The following NLGN1 variants were observed in gnomAD, a reference collection of about 807,000 sequenced individuals.
NLGN1 encodes neuroligin-1.
Under a neutral mutation model 65.5 loss-of-function variants are expected in NLGN1, and 12 were observed. The ratio of observed to expected loss-of-function variants is 0.18; its 90% CI spans 0.12 to 0.30. The LOEUF is 0.30. NLGN1 is among the 10% of genes least tolerant of loss of function. The pLI, the probability that NLGN1 is intolerant of heterozygous loss-of-function variation, is 1.00. For missense variants in NLGN1, 750 were observed against 1,007.1 expected (o/e 0.74, Z 3.46); for synonymous variants, 350 against 359.5 (o/e 0.97, Z 0.30).
At chr3:173,606,104 G>A (rs1431939660) in intron 3 of NLGN1, among the ~76,000 whole-genome samples, 1 of 151,892 alleles carries the variant, frequency 6.6e-6, no homozygotes, top group African/African-American at 2.4e-5. Flanking sequence ...TTATTATTAA[G>A]GTAATAGTGT....
chr3:173,837,623 C>T (rs528445991), intron 4 of NLGN1, among the ~76,000 whole-genome samples: 2 of 152,322 alleles, frequency 1.3e-5, no homozygotes, highest in East Asian at 3.9e-4. Flanking sequence ...GGGAACTGAG[C>T]ATTCCAATCC....
chr3:173,679,932 C>G lies in NLGN1; in HGVS notation c.493+74841C>G, dbSNP rs535682882. Reference sequence around the variant, plus strand: ...TAAAAGTTCTTTGAAAAGTTCATGCCAAGGAAACAATTAATTATGACTGTG... The same window carrying G: ...TAAAAGTTCTTTGAAAAGTTCATGCGAAGGAAACAATTAATTATGACTGTG... On this transcript the variant is annotated intron_variant, in intron 3 of 6. Coordinates refer to ENST00000457714, the Ensembl canonical transcript of NLGN1. Among the ~76,000 whole-genome samples, 3 of 151,942 alleles carry G rather than the reference C, an allele frequency of 2.0e-5. No homozygotes were observed. The South Asian group carries it at 6.2e-4, about 32-fold the overall frequency.
intron 4 of NLGN1, among the ~76,000 whole-genome samples, chr3:174,086,807 G>A (rs548669697): frequency 1.3e-5 from 2 of 151,936 alleles, no homozygotes; most frequent in South Asian, 2.1e-4. Flanking sequence ...TAAATGAAAA[G>A]TTTACAGTAG....
At chr3:174,066,564 CTG>C (rs761468491) in intron 4 of NLGN1, among the ~76,000 whole-genome samples, 344 of 100,020 alleles carry the variant, frequency 3.4e-3, no homozygotes, top group African/African-American at 4.4e-3. Flanking sequence ...CTCTCTCTCT[CTG>C]TGTGTGTGTG....
At chr3:174,064,649 A>AAT (rs960243606) in intron 4 of NLGN1, among the ~76,000 whole-genome samples, 33 of 150,486 alleles carry the variant, frequency 2.2e-4, no homozygotes, top group African/African-American at 6.1e-4. Flanking sequence ...TATATGTGTG[A>AAT]ATATATATAT....
chr3:173,622,668 A>T (rs1754191884), intron 3 of NLGN1, among the ~76,000 whole-genome samples: 1 of 152,072 alleles, frequency 6.6e-6, no homozygotes, highest in Non-Finnish European at 1.5e-5. Flanking sequence ...TGCTGATGCC[A>T]GGACTGCATC....
intron 4 of NLGN1, among the ~76,000 whole-genome samples, chr3:174,093,550 A>T (rs906961020): frequency 6.6e-6 from 1 of 152,180 alleles, no homozygotes; most frequent in Non-Finnish European, 1.5e-5. Context: ...TTACACACAA[A>T]CTCATCAATA....
chr3:173,923,292 C>T (rs183646359), intron 4 of NLGN1, among the ~76,000 whole-genome samples: 10 of 152,142 alleles, frequency 6.6e-5, no homozygotes, highest in Admixed American at 3.3e-4. Flanking sequence ...TTGTTTTCTT[C>T]GTAAACTTCT....
At position 173,765,098 on chromosome 3, in the gene NLGN1, GTA is replaced by G. The variant is rs1218913119; in HGVS notation, c.494-42580_494-42579del. On this transcript the variant is annotated intron_variant, in intron 3 of 6. Transcript: ENST00000457714. ...TGTGTGTGTGTGTGTGTGTGTGTGT[GTA>G]TGTATGCACACATACATTTGTATGG... Among the ~76,000 whole-genome samples, 698 of 125,988 alleles carry G rather than the reference GTA, an allele frequency of 5.5e-3. 6 individuals are homozygous for G. The highest frequency in any genetic ancestry group is 0.019 in the African/African-American group (621 of 31,982). 82.7% of individuals were successfully genotyped at this position (125,988 alleles called of 152,430 possible). A position where few individuals can be genotyped will look rare whatever the true frequency, so the allele number is the denominator to read the frequency against.
At chr3:173,795,265 A>G (rs910587217) in intron 3 of NLGN1, among the ~76,000 whole-genome samples, 7 of 152,232 alleles carry the variant, frequency 4.6e-5, no homozygotes, top group African/African-American at 1.4e-4. Context: ...TTCACTTCCA[A>G]TATCTCATTG....
At chr3:173,806,095 T>C (rs1042045602) in intron 3 of NLGN1, among the ~76,000 whole-genome samples, 8 of 152,100 alleles carry the variant, frequency 5.3e-5, no homozygotes, top group Non-Finnish European at 8.8e-5. Flanking sequence ...ATTAGAGGGG[T>C]ACTAGTAACT....
chr3:173,848,094 A>G (rs1364409585), intron 4 of NLGN1, among the ~76,000 whole-genome samples: 1 of 152,138 alleles, frequency 6.6e-6, no homozygotes, highest in Admixed American at 6.5e-5. Context: ...AGAGTCTCCA[A>G]TTACTAGCTG....
At chr3:173,620,249 T>C (rs1560063015) in intron 3 of NLGN1, among the ~76,000 whole-genome samples, 1 of 152,100 alleles carries the variant, frequency 6.6e-6, no homozygotes, top group South Asian at 2.1e-4. Flanking sequence ...AGGCAATAAC[T>C]GTGGGGTAGA....
intron 4 of NLGN1, among the ~76,000 whole-genome samples, chr3:174,006,929 G>T (rs1351565571): frequency 6.6e-6 from 1 of 152,060 alleles, no homozygotes; most frequent in Admixed American, 6.6e-5. Flanking sequence ...TTAGCTGAGG[G>T]TGGTGGCAGG....
intron 4 of NLGN1, among the ~76,000 whole-genome samples, chr3:174,239,101 A>C (rs2152828226): frequency 6.7e-6 from 1 of 149,678 alleles, no homozygotes; most frequent in South Asian, 2.1e-4. Flanking sequence ...ATAGAGTTTT[A>C]CTCTTGTCAC....
intron 4 of NLGN1, among the ~76,000 whole-genome samples, chr3:173,986,866 A>G (rs1159648303): frequency 6.6e-6 from 1 of 152,198 alleles, no homozygotes; most frequent in African/African-American, 2.4e-5. Context: ...CACTTTATTT[A>G]GTTCTTGTGC....
intron 4 of NLGN1, among the ~76,000 whole-genome samples, chr3:173,830,974 C>A (rs529886287): frequency 6.6e-6 from 1 of 152,270 alleles, no homozygotes; most frequent in Non-Finnish European, 1.5e-5. Context: ...GACTTCTAGC[C>A]TTCTTCAAAA....
chr3:173,750,657 A>G (rs939748748), intron 3 of NLGN1, among the ~76,000 whole-genome samples: 2 of 152,104 alleles, frequency 1.3e-5, no homozygotes, highest in Non-Finnish European at 2.9e-5. Flanking sequence ...CATTATGCAC[A>G]CTAATTATTG....
At chr3:173,598,868 A>T (rs974413669) in intron 2 of NLGN1, among the ~76,000 whole-genome samples, 2 of 152,124 alleles carry the variant, frequency 1.3e-5, no homozygotes, top group African/African-American at 4.8e-5. Context: ...GCCCATTTTC[A>T]TGGGGAGCTT....
Sources: gnomAD v4.1 joint callset for allele counts (sites outside exome capture counted in the v4.1 genomes callset) on GRCh38, gnomAD v4.1.1 for gene constraint, MANE v1.5 for transcripts, NCBI Gene and HGNC (gene_info 2026-07-23, HGNC 2026-07-21) for gene names.